CAMK2A: variants seen among roughly 807,000 people sequenced by gnomAD.
The protein encoded by CAMK2A is calcium/calmodulin dependent protein kinase II alpha, also known as calcium/calmodulin-dependent protein kinase type II subunit alpha.
Under a neutral mutation model 79.2 loss-of-function variants are expected in CAMK2A, and 7 were observed. That is an observed-to-expected ratio of 0.09 (90% CI 0.05 to 0.17). CAMK2A has a LOEUF of 0.17. CAMK2A is among the 10% of genes least tolerant of loss of function. The pLI is 1.00. For missense variants in CAMK2A, 214 were observed against 646.4 expected (o/e 0.33, Z 7.25); for synonymous variants, 242 against 251.7 (o/e 0.96, Z 0.36).
intron 13 of CAMK2A, among the ~76,000 whole-genome samples, chr5:150,240,058 A>C (rs974229705): frequency 1.3e-5 from 2 of 152,198 alleles, no homozygotes; most frequent in African/African-American, 4.8e-5. Flanking sequence ...GCAAAAGCCA[A>C]TCCTGGCTCT....
At chr5:150,258,405 C>T (rs988837924) in intron 3 of CAMK2A, among the ~76,000 whole-genome samples, 3 of 152,168 alleles carry the variant, frequency 2.0e-5, no homozygotes, top group African/African-American at 2.4e-5. Flanking sequence ...CATGCAGGGG[C>T]GTGCTGGCTC....
intron 15 of CAMK2A, among the ~76,000 whole-genome samples, chr5:150,236,409 C>T (rs538889733): frequency 6.6e-6 from 1 of 152,344 alleles, no homozygotes; most frequent in South Asian, 2.1e-4. Flanking sequence ...GATTAAATAG[C>T]TTCTCTGGGC....
chr5:150,276,356 C>T lies in CAMK2A; in HGVS notation c.63-3197G>A, dbSNP rs79011506. On this transcript the variant is annotated intron_variant, in intron 1 of 18. Coordinates refer to ENST00000671881, the MANE Select transcript of CAMK2A (RefSeq NM_015981.4). ...CTGCCCCCAGTGCTTGAATACCCAG[C>T]GTCTAGTGCCAATAGAGCCTCCATG... is the stretch of plus-strand genomic sequence containing the variant. Among the ~76,000 whole-genome samples, 130 of 152,274 alleles carry T rather than the reference C, an allele frequency of 8.5e-4. No homozygotes were observed. In the East Asian group the frequency reaches 0.019, roughly 22 times the overall value.
intron 15 of CAMK2A, among the ~76,000 whole-genome samples, chr5:150,234,667 C>T (rs1754988207): frequency 6.6e-6 from 1 of 152,164 alleles, no homozygotes; most frequent in Admixed American, 6.5e-5. Context: ...ATCTGGGAAT[C>T]TCTGAATTGG....
At chr5:150,227,000 G>A (rs1264047565) in intron 17 of CAMK2A, among the ~76,000 whole-genome samples, 1 of 151,824 alleles carries the variant, frequency 6.6e-6, no homozygotes, top group Non-Finnish European at 1.5e-5. Context: ...TCAAACTCCT[G>A]ACCTCAAGTG....
At chr5:150,275,315 C>A (rs1211729268) in intron 1 of CAMK2A, among the ~76,000 whole-genome samples, 1 of 152,132 alleles carries the variant, frequency 6.6e-6, no homozygotes, top group Non-Finnish European at 1.5e-5. Flanking sequence ...TCCAGAGCAC[C>A]CCTGCTTAGA....
At chr5:150,268,478 T>C (rs1255225188) in intron 2 of CAMK2A, among the ~76,000 whole-genome samples, 1 of 152,198 alleles carries the variant, frequency 6.6e-6, no homozygotes. Flanking sequence ...TCTAAGCATG[T>C]CCCTCCTGCC....
intron 11 of CAMK2A, 149 bp downstream of exon 11, chr5:150,250,077 C>T (rs1278870043): frequency 8.0e-6 from 5 of 623,974 alleles, no homozygotes; most frequent in African/African-American, 3.6e-5. Flanking sequence ...TCCCCAAGCC[C>T]AACCTGCTGT....
At chr5:150,270,332 C>T (rs1001654868) in intron 2 of CAMK2A, among the ~76,000 whole-genome samples, 1 of 152,230 alleles carries the variant, frequency 6.6e-6, no homozygotes, top group African/African-American at 2.4e-5. Context: ...AAAATTTTCA[C>T]TTTTCACTTC....
At chr5:150,231,229 AC>A in intron 16 of CAMK2A, 75 bp downstream of exon 16, 1 of 676,762 alleles carries the variant, frequency 1.5e-6, no homozygotes, top group Non-Finnish European at 2.5e-6. Context: ...GGAGACAAGG[AC>A]CCCCAAAGTT....
Position 150,220,550 on chromosome 5 carries a change from A to C in CAMK2A, c.*2160T>G, listed in dbSNP as rs1754259055. 1 of 152,374 alleles carries C rather than the reference A, an allele frequency of 6.6e-6. No homozygotes were observed. The highest frequency in any genetic ancestry group is 2.1e-4 in the South Asian group (1 of 4,830). The allele number at this position is 152,374 out of a possible 1,614,324, so 9.4% of individuals were successfully genotyped here. A position where few individuals can be genotyped will look rare whatever the true frequency, so the allele number is the denominator to read the frequency against. Reference sequence around the variant, plus strand: ...AAGAAGAGCTCAGACCTTGCTCGGTAATTACAGCAGCCCCTGGTGAAGGCC... The same window carrying C: ...AAGAAGAGCTCAGACCTTGCTCGGTCATTACAGCAGCCCCTGGTGAAGGCC... On this transcript the variant is annotated 3_prime_UTR_variant, in exon 19 of 19. Transcript: ENST00000671881.
intron 6 of CAMK2A, 108 bp from the exon 7 acceptor site, chr5:150,253,654 G>A (rs913672488): frequency 4.4e-5 from 39 of 896,548 alleles, no homozygotes; most frequent in East Asian, 4.0e-4. Flanking sequence ...AGAACAGCCC[G>A]GCCCTCCGGG....
In CAMK2A at chr5:150,255,732, C is replaced by T. The variant is rs990843581; in HGVS notation, c.411+841G>A. Among the ~76,000 whole-genome samples the T allele has an allele frequency of 6.6e-5, 10 of 152,220 alleles. No individual in the cohort carries two copies. In the South Asian group the frequency reaches 2.1e-3, roughly 32 times the overall value. On this transcript the variant is annotated intron_variant, in intron 6 of 18. Coordinates refer to ENST00000671881, the MANE Select transcript of CAMK2A (RefSeq NM_015981.4). ...GGCAGGGTCACCCTAGAAGGGGCTG[C>T]TGAGGAAGCAGGAGCTGGATAGAGT...
In CAMK2A at chr5:150,220,629, G is replaced by A. The variant is rs906343663; in HGVS notation, c.*2081C>T. ...GTAGGGAACTGGCAGCTCAAAAGGG[G>A]ACAGGTGGTTTTGCCCCTGGGATAA... On this transcript the variant is annotated 3_prime_UTR_variant, in exon 19 of 19. Transcript: ENST00000671881. 1 of 152,382 alleles carries A rather than the reference G, an allele frequency of 6.6e-6. No homozygotes were observed. The highest frequency in any genetic ancestry group is 1.5e-5 in the Non-Finnish European group (1 of 68,084). The allele number at this position is 152,382 out of a possible 1,614,324, so 9.4% of individuals were successfully genotyped here.
At chr5:150,275,949 A>AAAGTTCC (rs1463379635) in intron 1 of CAMK2A, among the ~76,000 whole-genome samples, 2 of 152,134 alleles carry the variant, frequency 1.3e-5, no homozygotes, top group African/African-American at 4.8e-5. Context: ...AGAGGGGCTG[A>AAAGTTCC]AAGTTCCAAG....
rs1230177346 is a variant in CAMK2A, at chr5:150,219,728, G to T, written c.*2982C>A. On this transcript the variant is annotated 3_prime_UTR_variant, in exon 19 of 19. Coordinates refer to ENST00000671881, the MANE Select transcript of CAMK2A (RefSeq NM_015981.4). ...GTCTGGCAAACTCATCCCCCAAAAG[G>T]GTCTCCCTTTGAAGGGAGACAGGAG... 6.6e-6 allele frequency: 1 copy of T among 152,016 alleles called. No homozygotes were observed. Among genetic ancestry groups the T allele is most frequent in the South Asian group, 2.1e-4 (1 of 4,812 alleles). The allele number at this position is 152,016 out of a possible 1,614,324, so 9.4% of individuals were successfully genotyped here. A position where few individuals can be genotyped will look rare whatever the true frequency, so the allele number is the denominator to read the frequency against.
intron 12 of CAMK2A, among the ~76,000 whole-genome samples, chr5:150,246,929 G>A (rs1313076055): frequency 6.6e-6 from 1 of 152,180 alleles, no homozygotes; most frequent in Non-Finnish European, 1.5e-5. Context: ...CCCCTCGGGT[G>A]AGCTTTGCTC....
At chr5:150,264,719 C>CGAA (rs3070078) in intron 3 of CAMK2A, among the ~76,000 whole-genome samples, 84,479 of 151,862 alleles carry the variant, frequency 0.56, 25,099 homozygotes, top group African/African-American at 0.79. Context: ...ACAGCTTTTC[C>CGAA]GGAGGCTGCC....
rs747976892 is a variant in CAMK2A, at chr5:150,224,065, C to T, written c.1238-848G>A. On this transcript the variant is annotated intron_variant, in intron 17 of 18. Coordinates refer to ENST00000671881, the MANE Select transcript of CAMK2A (RefSeq NM_015981.4). The stretch of plus-strand genomic sequence containing the variant: ...GGGGTGAGGTCATGGGACTTTCCAG[C>T]GTTAGGGAGAGATGCATAGCTCTTG... 3.3e-5 allele frequency among the ~76,000 whole-genome samples: 5 copies of T among 152,192 alleles called. No individual in the cohort carries two copies. The East Asian group carries it at 7.7e-4, about 23-fold the overall frequency.
Sources: allele counts gnomAD v4.1 joint callset (sites outside exome capture counted in the v4.1 genomes callset), GRCh38; gene constraint gnomAD v4.1.1; transcripts MANE v1.5; gene names NCBI Gene and HGNC (gene_info 2026-07-23, HGNC 2026-07-21).